The following CRB1 variants were observed in gnomAD, a reference collection of about 807,000 sequenced individuals.
CRB1 encodes protein crumbs homolog 1.
A neutral mutation model predicts 120.0 loss-of-function variants in CRB1; 83 were observed. The ratio of observed to expected loss-of-function variants is 0.69; its 90% confidence interval spans 0.58 to 0.83. The LOEUF (loss-of-function observed/expected upper bound fraction) is 0.83, where lower values mean the gene tolerates loss of function less well. Among genes scored for constraint, CRB1 ranks in the 40% least tolerant of loss-of-function variants. CRB1 has a pLI of 0.00. For synonymous variants in CRB1, 625 were observed against 612.5 expected, an observed-to-expected ratio of 1.02 and a Z score of -0.30; for missense variants, 1,699 against 1,687.6, an observed-to-expected ratio of 1.01 and a Z score of -0.12.
rs956014890 is a variant in CRB1 at position 197,472,926 on chromosome 1, C to T, written c.4006-4738C>T. On this transcript the variant is annotated intron_variant, in intron 11 of 11. Coordinates refer to ENST00000367400, the MANE Select transcript of CRB1 (RefSeq NM_201253.3). ...CATGGATCAAAGTTCTTGTCCTGTG[C>T]GTATGTCCTATGAGAAGCTCTTTAT... Among the ~76,000 whole-genome samples the T allele has an allele frequency of 6.6e-5, 10 of 152,120 alleles. No individual in the cohort carries two copies. The South Asian group carries it at 1.2e-3, about 19-fold the overall frequency.
At chr1:197,450,119 C>T (rs1367838011) in intron 11 of CRB1, among the ~76,000 whole-genome samples, 2 of 152,122 alleles carry the variant, frequency 1.3e-5, no homozygotes, top group African/African-American at 4.8e-5. Context: ...TCTGAGTGCC[C>T]TCAGATTGTT....
intron 10 of CRB1, chr1:197,439,789 G>A (rs954019076): frequency 6.6e-6 from 1 of 152,116 alleles, no homozygotes; most frequent in Admixed American, 6.6e-5. Context: ...ATATGTGAGT[G>A]CTCCCTGGCA....
At chr1:197,260,419 A>G in the CRB1 span, among the ~76,000 whole-genome samples, 1 of 152,060 alleles carries the variant, frequency 6.6e-6, no homozygotes, top group Admixed American at 6.5e-5. Context: ...TTAAAGTCAC[A>G]AAATTTTAAG....
chr1:197,360,453 G>A (rs960132292), intron 5 of CRB1: 3 of 152,196 alleles, frequency 2.0e-5, no homozygotes, highest in African/African-American at 7.2e-5. Context: ...TCACCACATA[G>A]CTGACCTTGC....
chr1:197,363,456 A>G (rs1660889971), intron 5 of CRB1, among the ~76,000 whole-genome samples: 1 of 152,032 alleles, frequency 6.6e-6, no homozygotes, highest in Non-Finnish European at 1.5e-5. Context: ...CCTGATAAGT[A>G]GTTTTATTCA....
At chr1:197,433,835 T>C (rs534654898) in intron 8 of CRB1, among the ~76,000 whole-genome samples, 4 of 152,224 alleles carry the variant, frequency 2.6e-5, no homozygotes, top group East Asian at 1.9e-4. Flanking sequence ...ATACAGACAA[T>C]ACGTCTATTA....
intron 5 of CRB1, among the ~76,000 whole-genome samples, chr1:197,381,263 T>C (rs974667276): frequency 1.3e-5 from 2 of 152,210 alleles, no homozygotes; most frequent in African/African-American, 4.8e-5. Context: ...TAAGAGAATT[T>C]TTCAGTGATT....
intron 2 of CRB1, among the ~76,000 whole-genome samples, chr1:197,332,009 C>T (rs898821299): frequency 7.9e-5 from 12 of 151,970 alleles, no homozygotes; most frequent in Non-Finnish European, 1.8e-4. Context: ...CACATCTCTA[C>T]TAAAAATACA....
intron 1 of CRB1, among the ~76,000 whole-genome samples, chr1:197,318,729 A>G (rs1657999937): frequency 6.6e-6 from 1 of 152,192 alleles, no homozygotes; most frequent in Non-Finnish European, 1.5e-5. Context: ...GTTAAGTAAA[A>G]TAAGTCAGGC....
chr1:197,406,920 C>T (rs529038807), intron 5 of CRB1, among the ~76,000 whole-genome samples: 1 of 152,240 alleles, frequency 6.6e-6, no homozygotes, highest in South Asian at 2.1e-4. Context: ...CCCATTTCAC[C>T]ATGAACAAAG....
chr1:197,256,126 C>A, the CRB1 span, among the ~76,000 whole-genome samples: 58 of 151,076 alleles, frequency 3.8e-4, no homozygotes, highest in Non-Finnish European at 7.8e-4. Flanking sequence ...CAATGACCTC[C>A]ATGTCACCAA....
intron 1 of CRB1, among the ~76,000 whole-genome samples, chr1:197,279,124 G>A (rs1253544858): frequency 4.0e-5 from 6 of 151,864 alleles, no homozygotes; most frequent in African/African-American, 1.2e-4. Flanking sequence ...TTGAGGTTAC[G>A]GTCAACTCAG....
At chr1:197,382,928 G>C (rs2125402972) in intron 5 of CRB1, among the ~76,000 whole-genome samples, 1 of 152,250 alleles carries the variant, frequency 6.6e-6, no homozygotes, top group Non-Finnish European at 1.5e-5. Context: ...GACCTCTCAG[G>C]ATGCAGACCT....
Position 197,328,539 on chromosome 1 carries a change from T to C in CRB1, c.188T>C (p.Leu63Ser), listed in dbSNP as rs980680937. ...TCTTGTTCAGACACAGCCAATAATT[T>C]GGACAAAGACTGTGACAACATGAAA... ...DCSCSDTANN[L>S]DKDCDNMKDP... The change falls in exon 2 of 12, where the codon TTG (leucine) becomes TCG (serine). Residue 63 changes from leucine to serine, a missense_variant. Coordinates refer to ENST00000367400, the MANE Select transcript of CRB1 (RefSeq NM_201253.3). 2 of 1,614,102 alleles carry C rather than the reference T, an allele frequency of 1.2e-6. No homozygotes were observed. Among genetic ancestry groups the C allele is most frequent in the African/African-American group, 2.7e-5 (2 of 74,940 alleles).
chr1:197,360,724 T>C (rs1168807667), intron 5 of CRB1, among the ~76,000 whole-genome samples: 1 of 152,236 alleles, frequency 6.6e-6, no homozygotes. Context: ...TTCCAGGGCA[T>C]TGTCTGCATG....
the CRB1 span, among the ~76,000 whole-genome samples, chr1:197,254,295 T>C: frequency 5.9e-5 from 9 of 152,150 alleles, no homozygotes; most frequent in African/African-American, 1.7e-4. Flanking sequence ...CCATTCCTTG[T>C]CCTGAGTGAT....
At chr1:197,465,097 G>T (rs1666696260) in intron 11 of CRB1, among the ~76,000 whole-genome samples, 1 of 152,110 alleles carries the variant, frequency 6.6e-6, no homozygotes, top group African/African-American at 2.4e-5. Flanking sequence ...ATATAACACA[G>T]ACTTAGAGAT....
intron 1 of CRB1, among the ~76,000 whole-genome samples, chr1:197,292,060 C>T (rs2125238970): frequency 6.6e-6 from 1 of 152,092 alleles, no homozygotes. Context: ...CAAGAAATAA[C>T]TAAGATCAGA....
intron 5 of CRB1, among the ~76,000 whole-genome samples, chr1:197,404,241 C>A (rs1357554676): frequency 6.6e-6 from 1 of 152,132 alleles, no homozygotes; most frequent in Non-Finnish European, 1.5e-5. Context: ...ACCCAGGGCT[C>A]TGAGCCTAAT....
Sources: gnomAD v4.1 joint callset for allele counts (sites outside exome capture counted in the v4.1 genomes callset) on GRCh38, gnomAD v4.1.1 for gene constraint, MANE v1.5 for transcripts, NCBI Gene and HGNC (gene_info 2026-07-23, HGNC 2026-07-21) for gene names.